Variants in RTTN observed in about 807,000 individuals in gnomAD.
RTTN encodes rotatin.
A neutral mutation model predicts 269.2 loss-of-function variants in RTTN; 182 were observed. The ratio of observed to expected loss-of-function variants is 0.68; its 90% CI spans 0.60 to 0.76. RTTN has a LOEUF of 0.76. Among genes scored for constraint, RTTN ranks in the 30% least tolerant of loss-of-function variants. The pLI, the probability that RTTN is intolerant of heterozygous loss-of-function variation, is 0.00. For missense variants in RTTN, 2,545 were observed against 2,608.6 expected (o/e 0.98, Z 0.53); for synonymous variants, 1,006 against 963.5 (o/e 1.04, Z -0.82).
intron 37 of RTTN, among the ~76,000 whole-genome samples, chr18:70,055,318 T>TAC (rs143114816): frequency 0.016 from 2,338 of 149,986 alleles, 20 homozygotes; most frequent in African/African-American, 0.02. Flanking sequence ...CACACACACA[T>TAC]ACACACACAC....
At chr18:70,096,502 T>TTGG (rs2059008281) in intron 28 of RTTN, among the ~76,000 whole-genome samples, 1 of 152,220 alleles carries the variant, frequency 6.6e-6, no homozygotes, top group African/African-American at 2.4e-5. Context: ...GTCCTTTTTG[T>TTGG]TGGTGTTGAT....
chr18:70,114,400 G>A, intron 27 of RTTN, 45 bp downstream of exon 27: 1 of 1,536,834 alleles, frequency 6.5e-7, no homozygotes, highest in Non-Finnish European at 8.8e-7. Flanking sequence ...AGAAAACTTG[G>A]GTTCTATATA....
At chr18:70,139,000 G>GAA (rs5825995) in intron 21 of RTTN, 1,634 of 137,376 alleles carry the variant, frequency 0.012, 14 homozygotes, top group South Asian at 0.02. Context: ...TCTCCATTGA[G>GAA]AAAAAAAAAA....
At chr18:70,023,326 T>C (rs1209126531) in intron 44 of RTTN, among the ~76,000 whole-genome samples, 1 of 152,220 alleles carries the variant, frequency 6.6e-6, no homozygotes, top group Non-Finnish European at 1.5e-5. Flanking sequence ...TAGAGTAATT[T>C]CTTTTGTAGC....
At chr18:70,190,411 A>G in intron 9 of RTTN, 127 bp downstream of exon 9, 3 of 573,548 alleles carry the variant, frequency 5.2e-6, no homozygotes, top group Non-Finnish European at 2.8e-6. Context: ...TTAGAAATTT[A>G]TATCCCAAAA....
intron 28 of RTTN, among the ~76,000 whole-genome samples, chr18:70,102,940 G>A (rs112824875): frequency 8.7e-4 from 132 of 151,254 alleles, no homozygotes; most frequent in Admixed American, 1.8e-3. Flanking sequence ...CGGGCGCCCC[G>A]TCTGGGAAGT....
At chr18:70,140,251 T>G in intron 19 of RTTN, 63 bp from the exon 20 acceptor site, 1 of 897,356 alleles carries the variant, frequency 1.1e-6, no homozygotes, top group Non-Finnish European at 1.8e-6. Flanking sequence ...ACACGTATTT[T>G]GAAATACTCA....
At chr18:70,035,718 T>C (rs2057152183) in intron 40 of RTTN, among the ~76,000 whole-genome samples, 1 of 152,176 alleles carries the variant, frequency 6.6e-6, no homozygotes, top group Non-Finnish European at 1.5e-5. Flanking sequence ...TGAAATCTAA[T>C]TAAACTAAAG....
intron 28 of RTTN, among the ~76,000 whole-genome samples, chr18:70,105,573 G>A (rs977234189): frequency 3.9e-5 from 6 of 152,284 alleles, no homozygotes; most frequent in East Asian, 1.9e-4. Flanking sequence ...CTTCTGCGTC[G>A]CTCATGCTGG....
intron 23 of RTTN, among the ~76,000 whole-genome samples, chr18:70,133,802 GA>G (rs1487142061): frequency 1.3e-5 from 2 of 152,082 alleles, no homozygotes; most frequent in African/African-American, 4.8e-5. Flanking sequence ...CGTTTACTCA[GA>G]AAAATTCAAG....
At chr18:70,117,188 C>T (rs1034481244) in intron 26 of RTTN, among the ~76,000 whole-genome samples, 4 of 152,110 alleles carry the variant, frequency 2.6e-5, no homozygotes, top group African/African-American at 9.6e-5. Context: ...TCATATCTGC[C>T]TAATTTTGTT....
At chr18:70,155,752 G>C (rs968040707) in intron 14 of RTTN, among the ~76,000 whole-genome samples, 21 of 152,366 alleles carry the variant, frequency 1.4e-4, no homozygotes, top group Non-Finnish European at 1.8e-4. Context: ...CGGAGGGACC[G>C]GCTGAAGCCA....
intron 14 of RTTN, among the ~76,000 whole-genome samples, chr18:70,153,904 G>C (rs2060606248): frequency 6.6e-6 from 1 of 152,030 alleles, no homozygotes; most frequent in Non-Finnish European, 1.5e-5. Flanking sequence ...ATTATCTTTT[G>C]TGACAAAAGA....
intron 46 of RTTN, among the ~76,000 whole-genome samples, chr18:70,011,081 T>C (rs1164332334): frequency 6.6e-6 from 1 of 152,096 alleles, no homozygotes; most frequent in Non-Finnish European, 1.5e-5. Flanking sequence ...AGTTCTGAAA[T>C]TGAGGCAGTA....
Position 70,017,390 on chromosome 18 carries a change from T to C in RTTN, c.6421+17A>G. The C allele has an allele frequency of 6.2e-7, 1 of 1,606,928 alleles. No individual in the cohort carries two copies. Among genetic ancestry groups the C allele is most frequent in the Non-Finnish European group, 8.5e-7 (1 of 1,174,392 alleles). On this transcript the variant is annotated intron_variant, in intron 46 of 48. Coordinates refer to ENST00000640769, the MANE Select transcript of RTTN (RefSeq NM_173630.4). Reference sequence around the variant, plus strand: ...GAATAACTACATATATAAATGTATGTGTGTGTGAAAACTTACCATTAGCCA... The same window carrying C: ...GAATAACTACATATATAAATGTATGCGTGTGTGAAAACTTACCATTAGCCA...
intron 14 of RTTN, among the ~76,000 whole-genome samples, chr18:70,157,904 A>G (rs2060724726): frequency 1.2e-5 from 1 of 81,734 alleles, no homozygotes; most frequent in African/African-American, 3.0e-5. Flanking sequence ...ACAGAAATAA[A>G]GAAAAAAGAA....
At position 70,128,727 on chromosome 18, in the gene RTTN, C is replaced by T. The variant is rs375403991; in HGVS notation, c.2955-181G>A. 59 of 547,540 alleles carry T rather than the reference C, an allele frequency of 1.1e-4. 1 individual carries two copies. Among genetic ancestry groups the T allele is most frequent in the East Asian group, 4.8e-4 (16 of 33,098 alleles). 33.9% of individuals were successfully genotyped at this position (547,540 alleles called of 1,614,324 possible). On this transcript the variant is annotated intron_variant, in intron 23 of 48. Transcript: ENST00000640769. Reference sequence around the variant, plus strand: ...ACAGTATTTCAATTATTCTTTTCATCTCCTCTAAACTCCCCAGAACACTTA... The same window carrying T: ...ACAGTATTTCAATTATTCTTTTCATTTCCTCTAAACTCCCCAGAACACTTA...
In RTTN at chr18:70,204,156, C is replaced by T; in HGVS notation, c.327G>A (p.Leu109=). ...PNLQAEIDGI[L]DGLFLLPSEV... ...CCGAAGGAAGAAGAAAAAGTCCATC[C>T]AGAATGCCATCAATTTCAGCCTGCA... Residue 109 remains leucine (L), a synonymous_variant, in exon 3 of 49, where the codon CTG becomes CTA. Transcript: ENST00000640769. The T allele has an allele frequency of 2.5e-6, 4 of 1,614,072 alleles. No homozygotes were observed. The highest frequency in any genetic ancestry group is 3.4e-6 in the Non-Finnish European group (4 of 1,179,990).
At chr18:70,059,703 G>A (rs2057920546) in intron 36 of RTTN, 147 bp downstream of exon 36, 2 of 485,470 alleles carry the variant, frequency 4.1e-6, no homozygotes, top group Non-Finnish European at 6.8e-6. Flanking sequence ...GACAATTCTG[G>A]CAAAAGCAAA....
Sources: allele counts gnomAD v4.1 joint callset (sites outside exome capture counted in the v4.1 genomes callset), GRCh38; gene constraint gnomAD v4.1.1; transcripts MANE v1.5; gene names NCBI Gene and HGNC (gene_info 2026-07-23, HGNC 2026-07-21).